COL24A1: variants seen among roughly 807,000 people sequenced by gnomAD.
COL24A1 encodes collagen alpha-1(XXIV) chain.
A neutral mutation model predicts 253.9 loss-of-function variants in COL24A1; 224 were observed. The observed-to-expected ratio is 0.88, with a 90% CI of 0.79 to 0.99. The LOEUF (loss-of-function observed/expected upper bound fraction) is 0.99. Among genes scored for constraint, COL24A1 ranks in the 50% least tolerant of loss-of-function variants. COL24A1 has a pLI of 0.00. For synonymous variants in COL24A1, 685 were observed against 673.7 expected (o/e 1.02, Z -0.26); for missense variants, 2,131 against 2,068.5 (o/e 1.03, Z -0.59).
chr1:85,921,410 G>A (rs1318073319), intron 24 of COL24A1, among the ~76,000 whole-genome samples: 2 of 152,172 alleles, frequency 1.3e-5, no homozygotes, highest in Non-Finnish European at 2.9e-5. Context: ...TGAGGCTTCA[G>A]TAGGTAAACA....
rs1663321877 is a variant in COL24A1, at chr1:85,730,027, C to G, written c.*519G>C. 6.6e-6 allele frequency: 1 copy of G among 152,580 alleles called. No individual in the cohort carries two copies. Among genetic ancestry groups the G allele is most frequent in the Admixed American group, 6.6e-5 (1 of 15,256 alleles). 9.5% of individuals were successfully genotyped at this position (152,580 alleles called of 1,614,324 possible). A position where few individuals can be genotyped will look rare whatever the true frequency, so the allele number is the denominator to read the frequency against. The stretch of plus-strand genomic sequence containing the variant: ...TAAGCACCTTGTTTTCGAAAGAGCA[C>G]CAAGCAACACAAAGAGGCAACACGT... On this transcript the variant is annotated 3_prime_UTR_variant, in exon 60 of 60. Coordinates refer to ENST00000370571, the MANE Select transcript of COL24A1 (RefSeq NM_152890.7).
At chr1:86,046,288 C>T (rs1699895091) in intron 12 of COL24A1, among the ~76,000 whole-genome samples, 1 of 152,146 alleles carries the variant, frequency 6.6e-6, no homozygotes, top group Non-Finnish European at 1.5e-5. Context: ...ACATTTTTCT[C>T]ATTTGTTAAG....
intron 19 of COL24A1, among the ~76,000 whole-genome samples, chr1:86,004,156 G>T (rs1347177640): frequency 1.3e-5 from 2 of 152,144 alleles, no homozygotes; most frequent in African/African-American, 4.8e-5. Flanking sequence ...ACCATTCCAC[G>T]AAGAAGGCAA....
chr1:85,781,373 T>A, intron 51 of COL24A1, 100 bp from the exon 52 acceptor site: 1 of 751,918 alleles, frequency 1.3e-6, no homozygotes, highest in Admixed American at 2.7e-5. Context: ...CATGTCTACA[T>A]AATTATCCTT....
At chr1:86,037,098 T>G (rs1019936247) in intron 12 of COL24A1, among the ~76,000 whole-genome samples, 1 of 152,174 alleles carries the variant, frequency 6.6e-6, no homozygotes, top group African/African-American at 2.4e-5. Flanking sequence ...TTAAAATATT[T>G]TATGTGATGA....
chr1:86,099,053 A>G (rs1704232900), intron 5 of COL24A1, among the ~76,000 whole-genome samples: 1 of 152,206 alleles, frequency 6.6e-6, no homozygotes, highest in South Asian at 2.1e-4. Flanking sequence ...TAGGTCACAT[A>G]TTGGGCCATA....
chr1:86,015,883 CTTTTTTTT>C (rs34005326), intron 19 of COL24A1, among the ~76,000 whole-genome samples: 2 of 136,204 alleles, frequency 1.5e-5, no homozygotes, highest in African/African-American at 2.7e-5. Context: ...TCTACTTTTT[CTTTTTTTT>C]TTTTTTTTTT....
At chr1:86,045,946 C>A in intron 12 of COL24A1, 1 of 370,514 alleles carries the variant, frequency 2.7e-6, no homozygotes, top group Non-Finnish European at 5.3e-6. Context: ...GATTTAGATT[C>A]AGTGGAGCTT....
At chr1:85,895,198 C>T (rs145572259) in intron 31 of COL24A1, among the ~76,000 whole-genome samples, 2 of 151,974 alleles carry the variant, frequency 1.3e-5, no homozygotes, top group African/African-American at 4.8e-5. Context: ...GTGATGATAA[C>T]CATAGAACTT....
At chr1:86,009,386 C>T (rs538553093) in intron 19 of COL24A1, among the ~76,000 whole-genome samples, 1 of 149,106 alleles carries the variant, frequency 6.7e-6, no homozygotes, top group Admixed American at 6.6e-5. Flanking sequence ...GCAATTTTGT[C>T]ATTGTGTGAA....
At chr1:85,923,870 T>G (rs1686849539) in intron 24 of COL24A1, among the ~76,000 whole-genome samples, 1 of 152,050 alleles carries the variant, frequency 6.6e-6, no homozygotes. Context: ...AAAAAATCAA[T>G]GAATCCATGA....
At chr1:85,775,780 A>G in intron 52 of COL24A1, 71 bp from the exon 53 acceptor site, 1 of 1,263,804 alleles carries the variant, frequency 7.9e-7, no homozygotes, top group Non-Finnish European at 1.1e-6. Context: ...TGAGGTCATT[A>G]TATGTAGAAA....
chr1:85,936,317 G>A lies in COL24A1; in HGVS notation c.2563-24884C>T, dbSNP rs760387177. Among the ~76,000 whole-genome samples, 34 of 147,128 alleles carry A rather than the reference G, an allele frequency of 2.3e-4. 1 individual carries two copies. Among genetic ancestry groups the A allele is most frequent in the Non-Finnish European group, 3.8e-4 (25 of 66,592 alleles). On this transcript the variant is annotated intron_variant, in intron 24 of 59. Transcript: ENST00000370571. ...TCTCCCCTAACATAACCTCTCCCCT[G>A]TAAGAAAACGTAACCCAGTTAGGAT...
rs142389174 is a variant in COL24A1 at position 85,812,609 on chromosome 1, T to C, written c.3951+4179A>G. Among the ~76,000 whole-genome samples the C allele has an allele frequency of 7.9e-3, 1,196 of 152,242 alleles. 10 individuals are homozygous for C. Among genetic ancestry groups the C allele is most frequent in the Non-Finnish European group, 0.014 (977 of 68,008 alleles). On this transcript the variant is annotated intron_variant, in intron 47 of 59. Coordinates refer to ENST00000370571, the MANE Select transcript of COL24A1 (RefSeq NM_152890.7). Reference sequence around the variant, plus strand: ...GGAAATAATGGGTTTGAAAGGCTAATGATAAGAAGGTCCGAGGAAGATAAA... The same window carrying C: ...GGAAATAATGGGTTTGAAAGGCTAACGATAAGAAGGTCCGAGGAAGATAAA...
chr1:86,057,923 C>T lies in COL24A1; in HGVS notation c.1851+8G>A, dbSNP rs1314161036. On this transcript the variant is annotated splice_region_variant and intron_variant, in intron 10 of 59. Transcript: ENST00000370571. ...ATGCTTAACAGAATGATGGAAATGC[C>T]TACTTACTTGTGCACCTTTAGGACC... 3 of 1,611,652 alleles carry T rather than the reference C, an allele frequency of 1.9e-6. No homozygotes were observed. Among genetic ancestry groups the T allele is most frequent in the Non-Finnish European group, 2.5e-6 (3 of 1,178,850 alleles).
At position 85,842,343 on chromosome 1, in the gene COL24A1, G is replaced by C. The variant is rs758962950; in HGVS notation, c.3513C>G (p.Tyr1171Ter). ...GPDGEPGIPG[Y>*]RGHQGQPGPS... The stretch of plus-strand genomic sequence containing the variant: ...TTTTTCAATTATAAATACTTACCCT[G>C]TACCCTGGAATTCCTGGTTCTCCAT... Residue 1171 changes from tyrosine (Y) to a stop codon, truncating the protein, a stop_gained, in exon 40 of 60, where the codon TAC becomes TAG. Transcript: ENST00000370571. LOFTEE classifies it high-confidence loss of function. 6.3e-7 allele frequency: 1 copy of C among 1,595,822 alleles called. No individual in the cohort carries two copies. The highest frequency in any genetic ancestry group is 8.6e-7 in the Non-Finnish European group (1 of 1,169,058).
intron 24 of COL24A1, among the ~76,000 whole-genome samples, chr1:85,917,858 C>A (rs879455103): frequency 6.6e-5 from 10 of 152,004 alleles, no homozygotes; most frequent in African/African-American, 2.4e-4. Context: ...GCATGCACCA[C>A]GACGCCCAGC....
At chr1:85,905,442 C>A (rs985171356) in intron 28 of COL24A1, among the ~76,000 whole-genome samples, 3 of 152,014 alleles carry the variant, frequency 2.0e-5, no homozygotes, top group African/African-American at 7.2e-5. Flanking sequence ...TTTTCTTTCT[C>A]AAATATTCTG....
At chr1:85,878,406 C>T (rs1367395615) in intron 32 of COL24A1, among the ~76,000 whole-genome samples, 1 of 152,134 alleles carries the variant, frequency 6.6e-6, no homozygotes, top group African/African-American at 2.4e-5. Flanking sequence ...AAGATCCTGC[C>T]CTATAATACC....
Sources: allele counts gnomAD v4.1 joint callset (sites outside exome capture counted in the v4.1 genomes callset), GRCh38; gene constraint gnomAD v4.1.1; transcripts MANE v1.5; gene names NCBI Gene and HGNC (gene_info 2026-07-23, HGNC 2026-07-21).